Variants in NCAM2 observed in about 807,000 individuals in gnomAD.
NCAM2 encodes N-CAM-2.
In NCAM2, 30 loss-of-function variants were observed where a neutral mutation model predicts 98.1. That is an observed-to-expected ratio of 0.31 (90% CI 0.23 to 0.41). NCAM2 has a LOEUF of 0.41. Ranked by LOEUF, NCAM2 falls within the 10% of genes least tolerant of loss-of-function variation. NCAM2 has a pLI of 1.00. For missense variants in NCAM2, 867 were observed against 1,005.8 expected, an observed-to-expected ratio of 0.86 and a Z score of 1.87; for synonymous variants, 368 against 342.4, an observed-to-expected ratio of 1.07 and a Z score of -0.83.
chr21:21,445,257 G>A (rs6518105), intron 12 of NCAM2, among the ~76,000 whole-genome samples: 60,609 of 151,904 alleles, frequency 0.4, 13,585 homozygotes, highest in Non-Finnish European at 0.51. Flanking sequence ...TTCCAATTAC[G>A]TGGTCGATTT....
intron 1 of NCAM2, among the ~76,000 whole-genome samples, chr21:21,154,941 G>A (rs1282079693): frequency 6.6e-6 from 1 of 151,664 alleles, no homozygotes. Flanking sequence ...CTTTTGCTAT[G>A]GTAATGAAAA....
In NCAM2 at chr21:21,389,448, A is replaced by C. The variant is rs543259482; in HGVS notation, c.1195+15435A>C. On this transcript the variant is annotated intron_variant, in intron 9 of 17. Transcript: ENST00000400546. ...GCTAAACCATATTGGGAACATTCTA[A>C]GTCTTATAGCTATTTTGACATATAC... Among the ~76,000 whole-genome samples the C allele has an allele frequency of 5.3e-5, 8 of 152,320 alleles. No homozygotes were observed. In the South Asian group the frequency reaches 8.3e-4, roughly 16 times the overall value.
chr21:21,366,152 T>G (rs1216020901), intron 8 of NCAM2, among the ~76,000 whole-genome samples: 1 of 152,024 alleles, frequency 6.6e-6, no homozygotes, highest in Non-Finnish European at 1.5e-5. Flanking sequence ...ATTTACTGTA[T>G]TTTTCCACTT....
intron 12 of NCAM2, among the ~76,000 whole-genome samples, chr21:21,452,804 A>G (rs1981413989): frequency 9.5e-6 from 1 of 105,568 alleles, no homozygotes; most frequent in East Asian, 2.8e-4. Context: ...AAAATATAGT[A>G]TTACTTTATA....
chr21:21,111,288 G>A (rs995031614), intron 1 of NCAM2, among the ~76,000 whole-genome samples: 1 of 152,126 alleles, frequency 6.6e-6, no homozygotes, highest in African/African-American at 2.4e-5. Context: ...TAAAATGTAA[G>A]TCTGTATTCA....
chr21:21,020,278 C>T (rs1250288681), intron 1 of NCAM2, among the ~76,000 whole-genome samples: 2 of 152,050 alleles, frequency 1.3e-5, no homozygotes, highest in African/African-American at 2.4e-5. Context: ...TCAGGTAATC[C>T]GCCCGCCTCG....
At chr21:21,454,085 C>T (rs1981752778) in intron 12 of NCAM2, among the ~76,000 whole-genome samples, 1 of 151,958 alleles carries the variant, frequency 6.6e-6, no homozygotes, top group Non-Finnish European at 1.5e-5. Flanking sequence ...AATTTGACCA[C>T]CTACCCTTTT....
intron 1 of NCAM2, among the ~76,000 whole-genome samples, chr21:21,066,703 A>G (rs1341635361): frequency 6.6e-6 from 1 of 152,170 alleles, no homozygotes; most frequent in Non-Finnish European, 1.5e-5. Flanking sequence ...AAGGAAATTT[A>G]GAATGATTTT....
chr21:21,250,600 C>CT (rs2071434671), intron 1 of NCAM2, among the ~76,000 whole-genome samples: 1 of 152,066 alleles, frequency 6.6e-6, no homozygotes, highest in Admixed American at 6.5e-5. Context: ...CCCTGCAAAT[C>CT]TAAGTGTGAA....
intron 1 of NCAM2, among the ~76,000 whole-genome samples, chr21:21,031,133 T>A (rs185536112): frequency 7.1e-4 from 108 of 152,264 alleles, no homozygotes; most frequent in Non-Finnish European, 1.2e-3. Flanking sequence ...TTGGAGTTAA[T>A]AGAACTGGAG....
chr21:21,537,274 T>C (rs1408444484), intron 17 of NCAM2, among the ~76,000 whole-genome samples: 1 of 151,994 alleles, frequency 6.6e-6, no homozygotes, highest in Non-Finnish European at 1.5e-5. Context: ...CTTGAACTCC[T>C]GACCTCAAGT....
chr21:21,001,318 T>C (rs2146099359), intron 1 of NCAM2, among the ~76,000 whole-genome samples: 1 of 152,284 alleles, frequency 6.6e-6, no homozygotes, highest in African/African-American at 2.4e-5. Flanking sequence ...GTAGCAGAAA[T>C]ACTCCTTTAA....
intron 1 of NCAM2, among the ~76,000 whole-genome samples, chr21:21,209,602 G>A (rs1448267608): frequency 6.6e-6 from 1 of 152,122 alleles, no homozygotes; most frequent in African/African-American, 2.4e-5. Flanking sequence ...GCTAGTCATG[G>A]AAGTGGGTCC....
At chr21:21,225,374 CT>C (rs1194877325) in intron 1 of NCAM2, among the ~76,000 whole-genome samples, 2 of 151,952 alleles carry the variant, frequency 1.3e-5, no homozygotes, top group Non-Finnish European at 2.9e-5. Context: ...TGTAACAAAC[CT>C]GCACATCCTG....
At chr21:21,042,045 G>A (rs969433273) in intron 1 of NCAM2, among the ~76,000 whole-genome samples, 6 of 152,086 alleles carry the variant, frequency 3.9e-5, no homozygotes, top group Non-Finnish European at 7.4e-5. Context: ...ATATTTTCAT[G>A]TTTCTTCTCA....
intron 8 of NCAM2, among the ~76,000 whole-genome samples, chr21:21,350,967 A>G (rs2075320754): frequency 6.6e-6 from 1 of 150,538 alleles, no homozygotes; most frequent in Admixed American, 6.6e-5. Context: ...AAGAAAAAAA[A>G]TTAGCCAGGC....
At chr21:21,334,680 C>G (rs1454597264) in intron 6 of NCAM2, among the ~76,000 whole-genome samples, 2 of 151,812 alleles carry the variant, frequency 1.3e-5, no homozygotes, top group African/African-American at 4.8e-5. Context: ...AAGGAGAATA[C>G]ACAATATAAA....
chr21:21,534,488 C>T, intron 16 of NCAM2, 49 bp from the exon 17 acceptor site: 2 of 1,399,046 alleles, frequency 1.4e-6, no homozygotes, highest in Non-Finnish European at 1.9e-6. Flanking sequence ...TTCCATAATG[C>T]ATCCATTTTT....
intron 6 of NCAM2, among the ~76,000 whole-genome samples, chr21:21,329,350 G>A (rs2074609243): frequency 1.3e-5 from 2 of 152,094 alleles, no homozygotes; most frequent in South Asian, 2.1e-4. Flanking sequence ...CCAACATTCA[G>A]TATAGTAACA....
Sources: allele counts gnomAD v4.1 joint callset (sites outside exome capture counted in the v4.1 genomes callset), GRCh38; gene constraint gnomAD v4.1.1; transcripts MANE v1.5; gene names NCBI Gene and HGNC (gene_info 2026-07-23, HGNC 2026-07-21).